The following ITIH4 variants were observed in gnomAD, a reference collection of about 807,000 sequenced individuals.
ITIH4 encodes the protein inter-alpha-trypsin inhibitor heavy chain 4.
ITIH4 carries 79 observed loss-of-function variants against 111.8 expected under a neutral mutation model. The observed-to-expected ratio is 0.71, with a 90% CI of 0.59 to 0.85. The LOEUF is 0.85. Among genes scored for constraint, ITIH4 ranks in the 40% least tolerant of loss-of-function variants. ITIH4 has a pLI of 0.00. For synonymous variants in ITIH4, 472 were observed against 468.3 expected, an observed-to-expected ratio of 1.01 and a Z score of -0.10; for missense variants, 1,065 against 1,195.8, an observed-to-expected ratio of 0.89 and a Z score of 1.61.
chr3:52,818,260 G>C lies in ITIH4; in HGVS notation c.2176C>G (p.Pro726Ala). The change falls in exon 19 of 24, where the codon CCA becomes GCA. Residue 726 changes from proline (P) to alanine (A), a missense_variant. Coordinates refer to ENST00000266041, the MANE Select transcript of ITIH4 (RefSeq NM_002218.5). ...GCCAAGGGGGCTGGGAACTTACCTG[G>C]GGTTTGGGTTGTCATGGTTGTTTCT... ...IEETTMTTQTPAPIQAPSAIL... is the reference protein window; with the variant it reads ...IEETTMTTQTAAPIQAPSAIL... 1 of 1,581,780 alleles carries C rather than the reference G, an allele frequency of 6.3e-7. No individual in the cohort carries two copies. Among genetic ancestry groups the C allele is most frequent in the Non-Finnish European group, 8.6e-7 (1 of 1,164,892 alleles).
chr3:52,814,315 TGG>T lies in ITIH4; in HGVS notation c.2518_2519del (p.Pro840ArgfsTer23). 1 of 1,614,064 alleles carries T rather than the reference TGG, an allele frequency of 6.2e-7. No homozygotes were observed. Among genetic ancestry groups the T allele is most frequent in the Non-Finnish European group, 8.5e-7 (1 of 1,179,996 alleles). On this transcript the variant is annotated frameshift_variant, in exon 22 of 24. Coordinates refer to ENST00000266041, the MANE Select transcript of ITIH4 (RefSeq NM_002218.5). LOFTEE classifies it high-confidence loss of function. Reference sequence around the variant, plus strand: ...ACAACAGGCCGATGGTCACTTTGTCTGGGTCACTGAGCAGCAGGAGACCCGTC... The same window carrying T: ...ACAACAGGCCGATGGTCACTTTGTCTGTCACTGAGCAGCAGGAGACCCGTC... ...DKTGLLLLSD[P>X]DKVTIGLLFW...
intron 5 of ITIH4, 94 bp from the exon 6 acceptor site, chr3:52,826,108 C>T (rs1700476227): frequency 6.5e-7 from 1 of 1,530,020 alleles, no homozygotes; most frequent in African/African-American, 1.4e-5. Context: ...AATCAGAATT[C>T]CAGGATGCAG....
rs1271180756 is a variant in ITIH4 at position 52,820,304 on chromosome 3, C to T, written c.1848G>A (p.Arg616=). The T allele has an allele frequency of 1.2e-6, 2 of 1,614,008 alleles. No individual in the cohort carries two copies. Among genetic ancestry groups the T allele is most frequent in the African/African-American group, 1.3e-5 (1 of 75,066 alleles). The stretch of plus-strand genomic sequence containing the variant: ...TTCGCTGCTTACCTGAGTGGACATT[C>T]CTGTTTCTACTTTCTGGATAAAACA... ...EKPMEGESRN[R]NVHSGSTFFK... is the part of the protein sequence containing the mutation. The change falls in exon 14 of 24, where the codon AGG becomes AGA. Residue 616 remains arginine, a synonymous_variant. Transcript: ENST00000266041.
intron 11 of ITIH4, among the ~76,000 whole-genome samples, chr3:52,821,929 G>A (rs1235429680): frequency 6.6e-6 from 1 of 152,090 alleles, no homozygotes; most frequent in Non-Finnish European, 1.5e-5. Context: ...CAAAGCTTTG[G>A]CACACATAGG....
chr3:52,830,223 T>G (rs554848373), intron 1 of ITIH4: 1 of 399,028 alleles, frequency 2.5e-6, no homozygotes, highest in Non-Finnish European at 4.9e-6. Flanking sequence ...GGTTCTAGTA[T>G]TACCCTGTTT....
At chr3:52,818,627 C>A (rs2256728) in intron 17 of ITIH4, 91 bp from the exon 18 acceptor site, 3 of 1,010,650 alleles carry the variant, frequency 3.0e-6, no homozygotes, top group Admixed American at 2.0e-5. Context: ...TCCAGCCCCC[C>A]ATCCTGCCAC....
At position 52,824,634 on chromosome 3, in the gene ITIH4, C is replaced by T; in HGVS notation, c.877-69G>A. The T allele has an allele frequency of 1.3e-6, 2 of 1,491,754 alleles. No individual in the cohort carries two copies. Among genetic ancestry groups the T allele is most frequent in the Non-Finnish European group, 1.8e-6 (2 of 1,098,914 alleles). 92.4% of individuals were successfully genotyped at this position (1,491,754 alleles called of 1,614,324 possible). A position where few individuals can be genotyped will look rare whatever the true frequency, so the allele number is the denominator to read the frequency against. On this transcript the variant is annotated intron_variant, in intron 7 of 23. Transcript: ENST00000266041. This position sits in a 1 kb window ranked among gnomAD's most constrained non-coding sequence, Gnocchi z 4.3. ...GAGGGCTCGTGTGCCCTAGGGCTGGCATCCTTGGACTCCTGTCTCAGGGGT... is the reference window on the plus strand; with the variant it reads ...GAGGGCTCGTGTGCCCTAGGGCTGGTATCCTTGGACTCCTGTCTCAGGGGT...
chr3:52,818,269 T>A lies in ITIH4; in HGVS notation c.2167A>T (p.Thr723Ser). ...NMKIEETTMT[T>S]QTPAPIQAPS... ...GCTGGGAACTTACCTGGGGTTTGGGTTGTCATGGTTGTTTCTAAAAGAAGA... is the reference window on the plus strand; with the variant it reads ...GCTGGGAACTTACCTGGGGTTTGGGATGTCATGGTTGTTTCTAAAAGAAGA... Residue 723 changes from threonine (T) to serine (S), a missense_variant, in exon 19 of 24, where the codon ACC becomes TCC. Physicochemically the swap from Thr to Ser is moderately conservative, Grantham distance 58. Coordinates refer to ENST00000266041, the MANE Select transcript of ITIH4 (RefSeq NM_002218.5). 6.3e-7 allele frequency: 1 copy of A among 1,578,682 alleles called. No homozygotes were observed.
chr3:52,820,980 G>A lies in ITIH4; in HGVS notation c.1679+11C>T. The A allele has an allele frequency of 6.2e-7, 1 of 1,613,244 alleles. No homozygotes were observed. ...CTAGCGACAGGCTTAGGGAGGTGCT[G>A]ATGCACTCACGTTTGCTCCAGCAGC... On this transcript the variant is annotated intron_variant, in intron 12 of 23. Transcript: ENST00000266041.
At position 52,819,952 on chromosome 3, in the gene ITIH4, T is replaced by C. The variant is rs1397097123; in HGVS notation, c.1900A>G (p.Ile634Val). Residue 634 changes from isoleucine (I) to valine (V), a missense_variant, in exon 15 of 24, where the codon ATA becomes GTA. Ile to Val is a conservative substitution (Grantham distance 29, BLOSUM62 3). Transcript: ENST00000266041. The part of the protein sequence containing the change: ...FFKYYLQGAK[I>V]PKPEASFSPR... ...CCTACTTTGTCACCTGGTTTTGGTA[T>C]TTTTGCTCCCTGGAGATAATATTTG... 6.8e-6 allele frequency: 11 copies of C among 1,613,888 alleles called. No individual in the cohort carries two copies. The highest frequency in any genetic ancestry group is 9.3e-6 in the Non-Finnish European group (11 of 1,179,948).
intron 2 of ITIH4, 104 bp from the exon 3 acceptor site, chr3:52,827,301 C>T: frequency 1.1e-6 from 1 of 875,702 alleles, no homozygotes; most frequent in Non-Finnish European, 1.9e-6. Flanking sequence ...CCTCTTGACA[C>T]AGTGACTCCC....
intron 11 of ITIH4, 72 bp from the exon 12 acceptor site, chr3:52,821,202 C>CTCTT (rs1246311631): frequency 1.7e-5 from 27 of 1,553,088 alleles, no homozygotes; most frequent in Non-Finnish European, 2.4e-5. Context: ...CACTTCTGAG[C>CTCTT]TCTTCCATGA....
intron 17 of ITIH4, 85 bp downstream of exon 17, chr3:52,819,308 T>C (rs1700330628): frequency 6.5e-7 from 1 of 1,529,968 alleles, no homozygotes; most frequent in East Asian, 2.3e-5. Flanking sequence ...CTGTGGTGCG[T>C]GCTTTACCCC....
chr3:52,819,294 G>C (rs1700330308), intron 17 of ITIH4, 99 bp downstream of exon 17: 16 of 1,391,648 alleles, frequency 1.1e-5, no homozygotes, highest in Admixed American at 5.7e-5. Context: ...TCCCTGGCCT[G>C]GCCCTGTGGT....
chr3:52,819,356 G>A (rs1559479058), intron 17 of ITIH4, 37 bp downstream of exon 17: 1 of 1,613,066 alleles, frequency 6.2e-7, no homozygotes. Flanking sequence ...ACCACCGTGG[G>A]AAACCGAGGC....
At position 52,813,573 on chromosome 3, in the gene ITIH4, G is replaced by A; in HGVS notation, c.2724-83C>T. The A allele has an allele frequency of 2.4e-6, 3 of 1,233,442 alleles. No homozygotes were observed. The South Asian group carries it at 3.6e-5, about 15-fold the overall frequency. The allele number at this position is 1,233,442 out of a possible 1,614,324, so 76.4% of individuals were successfully genotyped here. A position where few individuals can be genotyped will look rare whatever the true frequency, so the allele number is the denominator to read the frequency against. On this transcript the variant is annotated intron_variant, in intron 23 of 23. Coordinates refer to ENST00000266041, the MANE Select transcript of ITIH4 (RefSeq NM_002218.5). ...AAAAGAGGGAGACAGCTGGGGACAG[G>A]AACATGGAGGGCAGGGAGTCCTGGC...
intron 1 of ITIH4, 74 bp downstream of exon 1, chr3:52,830,479 T>C (rs1490552135): frequency 5.0e-6 from 7 of 1,389,882 alleles, no homozygotes; most frequent in Non-Finnish European, 6.1e-6. Context: ...CGCTGGCACA[T>C]GCGGAGGCTC....
intron 21 of ITIH4, among the ~76,000 whole-genome samples, chr3:52,815,937 T>G (rs977263625): frequency 2.0e-5 from 3 of 152,152 alleles, no homozygotes; most frequent in African/African-American, 7.2e-5. Context: ...CCACCCACCT[T>G]GGCCTACCAA....
chr3:52,816,721 G>A (rs1442756704), intron 21 of ITIH4, among the ~76,000 whole-genome samples, 163 bp downstream of exon 21: 1 of 152,192 alleles, frequency 6.6e-6, no homozygotes, highest in Non-Finnish European at 1.5e-5. Context: ...AGTGCCCTCC[G>A]GAGCTGCAGG....
Sources: gnomAD v4.1 joint callset for allele counts (sites outside exome capture counted in the v4.1 genomes callset) on GRCh38, gnomAD v4.1.1 for gene constraint, Gnocchi (gnomAD v3.1) non-coding constraint, MANE v1.5 for transcripts, NCBI Gene and HGNC (gene_info 2026-07-23, HGNC 2026-07-21) for gene names.